Variants in SFMBT2 observed in about 807,000 individuals in gnomAD.
The protein encoded by SFMBT2 is Scm like with four mbt domains 2, also known as scm-like with four MBT domains protein 2.
A neutral mutation model predicts 110.1 loss-of-function variants in SFMBT2; 38 were observed. The ratio of observed to expected loss-of-function variants is 0.35; its 90% CI spans 0.27 to 0.45. The LOEUF (loss-of-function observed/expected upper bound fraction) is 0.45. SFMBT2 is among the 20% of genes least tolerant of loss of function. The pLI, the probability that SFMBT2 is intolerant of heterozygous loss-of-function variation, is 1.00. For synonymous variants in SFMBT2, 425 were observed against 425.4 expected, an observed-to-expected ratio of 1.00 and a Z score of 0.01; for missense variants, 1,011 against 1,094.9, an observed-to-expected ratio of 0.92 and a Z score of 1.08.
chr10:7,189,244 C>T (rs1008745442), intron 15 of SFMBT2: 2 of 860,334 alleles, frequency 2.3e-6, no homozygotes, highest in African/African-American at 1.8e-5. Context: ...AATTCATGGA[C>T]ATTTAATACT....
chr10:7,294,132 T>C (rs1186500609), intron 4 of SFMBT2, among the ~76,000 whole-genome samples: 1 of 152,040 alleles, frequency 6.6e-6, no homozygotes, highest in Non-Finnish European at 1.5e-5. Flanking sequence ...ACTGCTAGGG[T>C]GGGGGAAGGT....
At chr10:7,346,845 G>C (rs972338139) in intron 4 of SFMBT2, among the ~76,000 whole-genome samples, 1 of 151,492 alleles carries the variant, frequency 6.6e-6, no homozygotes, top group Non-Finnish European at 1.5e-5. Context: ...AATTGGCCGG[G>C]CATGGTGGCA....
chr10:7,200,772 T>G (rs1838929489), intron 13 of SFMBT2: 1 of 155,792 alleles, frequency 6.4e-6, no homozygotes, highest in Non-Finnish European at 1.4e-5. Flanking sequence ...GCCTTATCTC[T>G]TGCTATGGAA....
Position 7,170,855 on chromosome 10 carries a change from G to C in SFMBT2, c.2544+73C>G, listed in dbSNP as rs1837854198. On this transcript the variant is annotated intron_variant, in intron 20 of 20. Transcript: ENST00000397167. The surrounding 1 kb of genome is among the most constrained non-coding windows in gnomAD (Gnocchi z 4.6). ...CCTCGCAGGTGTCACGAGGAAGCCG[G>C]CTAGGACACGAGGTTCATTTCAGAT... The C allele has an allele frequency of 2.5e-6, 4 of 1,591,702 alleles. No homozygotes were observed. The South Asian group carries it at 3.3e-5, about 13-fold the overall frequency.
At position 7,202,512 on chromosome 10, in the gene SFMBT2, C is replaced by T. The variant is rs1325412834; in HGVS notation, c.1455G>A (p.Lys485=). 4 of 1,614,058 alleles carry T rather than the reference C, an allele frequency of 2.5e-6. No individual in the cohort carries two copies. The South Asian group carries it at 3.3e-5, about 13-fold the overall frequency. ...CTGGTTGCACGACTGCAATCTTTCT[C>T]TTCTTTTGTGCTGTAGAAAAGGCAA... The part of the protein sequence containing the change: ...TAPHKTVSQK[K]RKIAVVQPEK... Residue 485 remains lysine, a synonymous_variant, in exon 13 of 21, where the codon AAG becomes AAA. Transcript: ENST00000397167.
chr10:7,275,005 C>T (rs1841724745), intron 7 of SFMBT2, among the ~76,000 whole-genome samples: 2 of 152,140 alleles, frequency 1.3e-5, no homozygotes, highest in African/African-American at 4.8e-5. Context: ...GAGGACAGTG[C>T]CCACTTCCCA....
chr10:7,407,643 C>T (rs1230490662), intron 1 of SFMBT2, among the ~76,000 whole-genome samples: 1 of 152,182 alleles, frequency 6.6e-6, no homozygotes, highest in Non-Finnish European at 1.5e-5. Flanking sequence ...GGGCCACGAG[C>T]CTCGCCTTGC....
chr10:7,370,830 G>T, intron 2 of SFMBT2: 1 of 979,298 alleles, frequency 1.0e-6, no homozygotes. Context: ...ACTGACTCTG[G>T]CATCATTTTA....
At chr10:7,211,194 G>C (rs111334087) in intron 11 of SFMBT2, among the ~76,000 whole-genome samples, 5 of 151,978 alleles carry the variant, frequency 3.3e-5, no homozygotes, top group Admixed American at 1.3e-4. Flanking sequence ...ATTTCTGGGT[G>C]GGGGGTATGT....
At chr10:7,194,130 G>A (rs1227445405) in intron 15 of SFMBT2, among the ~76,000 whole-genome samples, 3 of 152,262 alleles carry the variant, frequency 2.0e-5, no homozygotes, top group Middle Eastern at 3.4e-3. Flanking sequence ...GTGCCTCCAC[G>A]CCAAGGCCTG....
intron 4 of SFMBT2, among the ~76,000 whole-genome samples, chr10:7,315,101 AAAGAAAG>A (rs915570216): frequency 1.4e-5 from 2 of 146,170 alleles, no homozygotes; most frequent in African/African-American, 5.0e-5. Context: ...AGAAAGAAAG[AAAGAAAG>A]AAAAAGCAAG....
intron 4 of SFMBT2, among the ~76,000 whole-genome samples, chr10:7,357,690 T>A (rs971255228): frequency 1.3e-5 from 2 of 152,206 alleles, no homozygotes; most frequent in African/African-American, 2.4e-5. Context: ...CTCTGAATAA[T>A]CCTTGGGAAC....
At chr10:7,205,343 G>A (rs1839094005) in intron 12 of SFMBT2, 2 of 930,718 alleles carry the variant, frequency 2.1e-6, no homozygotes, top group Non-Finnish European at 2.6e-6. Flanking sequence ...CTCCTGCCTT[G>A]GCCTCCCAAA....
intron 4 of SFMBT2, chr10:7,348,234 G>T: frequency 6.9e-7 from 1 of 1,451,096 alleles, no homozygotes; most frequent in Non-Finnish European, 9.2e-7. Context: ...GTGTGGGATC[G>T]GGGAGTTGTT....
intron 15 of SFMBT2, among the ~76,000 whole-genome samples, chr10:7,189,588 G>A (rs1314937830): frequency 6.6e-6 from 1 of 152,212 alleles, no homozygotes; most frequent in Non-Finnish European, 1.5e-5. Context: ...TTTGGATAAA[G>A]ACCTTACAGA....
At chr10:7,310,877 C>G (rs1222833985) in intron 4 of SFMBT2, among the ~76,000 whole-genome samples, 3 of 152,092 alleles carry the variant, frequency 2.0e-5, no homozygotes, top group Non-Finnish European at 4.4e-5. Flanking sequence ...GAAACCCCAT[C>G]TCTACTAAAA....
chr10:7,395,989 C>T (rs1477186109), intron 1 of SFMBT2, among the ~76,000 whole-genome samples: 1 of 152,058 alleles, frequency 6.6e-6, no homozygotes, highest in Non-Finnish European at 1.5e-5. Flanking sequence ...AATCCCAGCA[C>T]TTTGGGAGGC....
chr10:7,392,707 G>C (rs907780744), intron 1 of SFMBT2, among the ~76,000 whole-genome samples: 1 of 151,948 alleles, frequency 6.6e-6, no homozygotes, highest in East Asian at 1.9e-4. Context: ...TTTGACAAGA[G>C]AGAATGTTTT....
chr10:7,405,142 T>C (rs1241999569), intron 1 of SFMBT2, among the ~76,000 whole-genome samples: 3 of 152,154 alleles, frequency 2.0e-5, no homozygotes, highest in Non-Finnish European at 4.4e-5. Context: ...ACGGAAAACC[T>C]TGAACTTCAG....
Sources: allele counts gnomAD v4.1 joint callset (sites outside exome capture counted in the v4.1 genomes callset), GRCh38; gene constraint gnomAD v4.1.1; non-coding constraint Gnocchi (gnomAD v3.1); transcripts MANE v1.5; gene names NCBI Gene and HGNC (gene_info 2026-07-23, HGNC 2026-07-21).